Variants in ASAP1 observed in about 807,000 individuals in gnomAD.
ASAP1 encodes arf-GAP with SH3 domain, ANK repeat and PH domain-containing protein 1.
ASAP1 carries 43 observed loss-of-function variants against 145.2 expected under a neutral mutation model. The observed-to-expected ratio is 0.30, with a 90% confidence interval of 0.23 to 0.38. The LOEUF is 0.38. Among genes scored for constraint, ASAP1 ranks in the 10% least tolerant of loss-of-function variants. The pLI is 1.00. For synonymous variants in ASAP1, 546 were observed against 515.5 expected (o/e 1.06, Z -0.80); for missense variants, 1,018 against 1,355.3 (o/e 0.75, Z 3.91).
At chr8:130,135,753 C>T (rs1363321997) in intron 14 of ASAP1, among the ~76,000 whole-genome samples, 3 of 152,206 alleles carry the variant, frequency 2.0e-5, no homozygotes, top group Admixed American at 2.0e-4. Flanking sequence ...TAATAACCTA[C>T]AGACTCTCAT....
chr8:130,177,111 T>TA (rs1187946478), intron 9 of ASAP1, among the ~76,000 whole-genome samples: 1 of 152,252 alleles, frequency 6.6e-6, no homozygotes, highest in African/African-American at 2.4e-5. Context: ...AGCCTTGCTT[T>TA]ATCTCTGTCC....
chr8:130,286,502 G>A (rs376120963), intron 3 of ASAP1, among the ~76,000 whole-genome samples: 1 of 152,300 alleles, frequency 6.6e-6, no homozygotes, highest in African/African-American at 2.4e-5. Flanking sequence ...TACAGAGGGT[G>A]TCTGAAGGCC....
At chr8:130,431,131 A>T (rs1830120346) in intron 1 of ASAP1, among the ~76,000 whole-genome samples, 1 of 151,832 alleles carries the variant, frequency 6.6e-6, no homozygotes, top group South Asian at 2.1e-4. Flanking sequence ...TCTCTTCCCC[A>T]TCCCCCCTCC....
At chr8:130,318,731 G>A (rs1378977754) in intron 3 of ASAP1, among the ~76,000 whole-genome samples, 2 of 152,178 alleles carry the variant, frequency 1.3e-5, no homozygotes, top group African/African-American at 2.4e-5. Flanking sequence ...GATAGAGTTG[G>A]GGTTCAGTCC....
At chr8:130,239,825 ATTAG>A (rs1474817730) in intron 3 of ASAP1, among the ~76,000 whole-genome samples, 2 of 152,116 alleles carry the variant, frequency 1.3e-5, no homozygotes, top group African/African-American at 4.8e-5. Context: ...CCTTAGAGAA[ATTAG>A]TTAGCTTGCC....
intron 1 of ASAP1, among the ~76,000 whole-genome samples, chr8:130,416,629 A>T (rs1829485799): frequency 6.6e-6 from 1 of 152,102 alleles, no homozygotes; most frequent in Non-Finnish European, 1.5e-5. Context: ...ACCTTTCCGA[A>T]CCCTATTTCC....
At chr8:130,272,156 T>A in intron 3 of ASAP1, among the ~76,000 whole-genome samples, 1 of 151,754 alleles carries the variant, frequency 6.6e-6, no homozygotes. Flanking sequence ...AGAGCAAGAC[T>A]CTGTCTCAAA....
At chr8:130,175,651 GTTT>G (rs1427912694) in intron 9 of ASAP1, among the ~76,000 whole-genome samples, 1 of 152,148 alleles carries the variant, frequency 6.6e-6, no homozygotes, top group Non-Finnish European at 1.5e-5. Context: ...ATGAACAAAA[GTTT>G]TTAATTTTGA....
chr8:130,107,847 C>T (rs991909583), intron 24 of ASAP1, among the ~76,000 whole-genome samples: 1 of 152,208 alleles, frequency 6.6e-6, no homozygotes, highest in South Asian at 2.1e-4. Context: ...CCACGCCCGA[C>T]CACCATAGTC....
At chr8:130,307,757 A>T (rs992781253) in intron 3 of ASAP1, among the ~76,000 whole-genome samples, 2 of 152,222 alleles carry the variant, frequency 1.3e-5, no homozygotes, top group Non-Finnish European at 2.9e-5. Flanking sequence ...GAAAACCAAA[A>T]GCCTGCGGAA....
chr8:130,276,441 TACTGTAGCC>T (rs1820884901), intron 3 of ASAP1, among the ~76,000 whole-genome samples: 1 of 152,184 alleles, frequency 6.6e-6, no homozygotes, highest in African/African-American at 2.4e-5. Flanking sequence ...GCTTTTCTTC[TACTGTAGCC>T]AATCATGGAC....
intron 3 of ASAP1, among the ~76,000 whole-genome samples, chr8:130,340,335 C>T (rs1825297295): frequency 6.6e-6 from 1 of 152,110 alleles, no homozygotes; most frequent in African/African-American, 2.4e-5. Context: ...ATTTAGCCTA[C>T]AAAACAGTCA....
intron 4 of ASAP1, among the ~76,000 whole-genome samples, chr8:130,230,287 G>A (rs537253784): frequency 9.2e-5 from 14 of 152,180 alleles, no homozygotes; most frequent in Admixed American, 5.9e-4. Context: ...TGCATACACA[G>A]GCTCATACAC....
rs185432893 is a variant in ASAP1, at chr8:130,438,461, G to A, written c.-28+4999C>T. 3.7e-3 allele frequency among the ~76,000 whole-genome samples: 568 copies of A among 152,262 alleles called. 1 individual carries two copies. Among genetic ancestry groups the A allele is most frequent in the Admixed American group, 8.7e-3 (133 of 15,300 alleles). On this transcript the variant is annotated intron_variant, in intron 1 of 29. Transcript: ENST00000518721. ...GACCTGGCTGCAGCTTTGGAACAAG[G>A]TTTTAGCCATACAAAAGGAACAACT...
chr8:130,054,451 GT>G lies in ASAP1; in HGVS notation c.*279del. The G allele has an allele frequency of 3.4e-6, 1 of 293,574 alleles. No homozygotes were observed. Among genetic ancestry groups the G allele is most frequent in the Non-Finnish European group, 6.7e-6 (1 of 148,880 alleles). 18.2% of individuals were successfully genotyped at this position (293,574 alleles called of 1,614,324 possible). ...CAGCAGTTCCTATACTCCTATTTTT[GT>G]TTGTTTGCTTGTAGAACAGCATAGA... On this transcript the variant is annotated 3_prime_UTR_variant, in exon 30 of 30. Transcript: ENST00000518721.
At chr8:130,130,290 T>C (rs560248043) in intron 15 of ASAP1, among the ~76,000 whole-genome samples, 2 of 152,346 alleles carry the variant, frequency 1.3e-5, no homozygotes, top group East Asian at 3.9e-4. Context: ...CCTAAGGTTC[T>C]AGGCTGGATT....
At chr8:130,257,644 C>T (rs912340119) in intron 3 of ASAP1, among the ~76,000 whole-genome samples, 6 of 152,036 alleles carry the variant, frequency 3.9e-5, no homozygotes, top group African/African-American at 9.7e-5. Context: ...GATCTACAGT[C>T]GGTAAATTTG....
intron 26 of ASAP1, among the ~76,000 whole-genome samples, chr8:130,078,070 A>C (rs535749911): frequency 1.3e-5 from 2 of 151,596 alleles, no homozygotes; most frequent in East Asian, 3.9e-4. Context: ...GTTCACTGCA[A>C]CCTCCACTTC....
At chr8:130,376,142 G>A (rs1827480760) in intron 2 of ASAP1, among the ~76,000 whole-genome samples, 2 of 152,188 alleles carry the variant, frequency 1.3e-5, no homozygotes, top group Non-Finnish European at 1.5e-5. Flanking sequence ...CTCTCTCTCT[G>A]GTTGGGAGCT....
Sources: gnomAD v4.1 joint callset for allele counts (sites outside exome capture counted in the v4.1 genomes callset) on GRCh38, gnomAD v4.1.1 for gene constraint, MANE v1.5 for transcripts, NCBI Gene and HGNC (gene_info 2026-07-23, HGNC 2026-07-21) for gene names.